ZNF583: variants seen among roughly 807,000 people sequenced by gnomAD.
ZNF583 encodes zinc finger protein L3-5.
ZNF583 carries 30 observed loss-of-function variants against 55.3 expected under a neutral mutation model. The observed-to-expected ratio is 0.54, with a 90% CI of 0.41 to 0.74. The LOEUF (loss-of-function observed/expected upper bound fraction) is 0.74, where lower values mean the gene tolerates loss of function less well. Ranked by LOEUF, ZNF583 falls within the 30% of genes least tolerant of loss-of-function variation. ZNF583 has a pLI of 0.00. For synonymous variants in ZNF583, 208 were observed against 220.0 expected, an observed-to-expected ratio of 0.95 and a Z score of 0.48; for missense variants, 504 against 664.7, an observed-to-expected ratio of 0.76 and a Z score of 2.66.
Position 56,419,002 on chromosome 19 carries a change from A to AT in ZNF583, c.233-3881dup, listed in dbSNP as rs376997205. ...CTACATCTGTTGAAATGATCATGTGATTTTTTTTCTCTTTAACCTTTTAAT... is the reference window on the plus strand; with the variant it reads ...CTACATCTGTTGAAATGATCATGTGATTTTTTTTTCTCTTTAACCTTTTAAT... On this transcript the variant is annotated intron_variant, in intron 4 of 4. Coordinates refer to ENST00000333201, the MANE Select transcript of ZNF583 (RefSeq NM_152478.3). Among the ~76,000 whole-genome samples, 5 of 151,844 alleles carry AT rather than the reference A, an allele frequency of 3.3e-5. 1 individual carries two copies. Among genetic ancestry groups the AT allele is most frequent in the Admixed American group, 6.6e-5 (1 of 15,242 alleles).
intron 2 of ZNF583, among the ~76,000 whole-genome samples, chr19:56,413,198 G>A (rs2042264771): frequency 6.6e-6 from 1 of 152,180 alleles, no homozygotes; most frequent in African/African-American, 2.4e-5. Context: ...AATATGAAAT[G>A]TAAAAAATAC....
intron 2 of ZNF583, among the ~76,000 whole-genome samples, chr19:56,410,437 C>T (rs1328432686): frequency 2.0e-5 from 3 of 152,216 alleles, no homozygotes; most frequent in African/African-American, 2.4e-5. Flanking sequence ...TGGTGGCTCA[C>T]GCCTGTAATC....
rs116308383 is a variant in ZNF583 at position 56,410,926 on chromosome 19, G to T, written c.10-3033G>T. ...AAATTATAATTGCTTTTAGGAGGTA[G>T]GGTGACATGGGAGTAGGCATGGGGG... On this transcript the variant is annotated intron_variant, in intron 2 of 4. Coordinates refer to ENST00000333201, the MANE Select transcript of ZNF583 (RefSeq NM_152478.3). 4.6e-3 allele frequency among the ~76,000 whole-genome samples: 697 copies of T among 152,102 alleles called. 5 individuals are homozygous for T. Among genetic ancestry groups the T allele is most frequent in the African/African-American group, 0.016 (667 of 41,474 alleles).
At position 56,423,185 on chromosome 19, in the gene ZNF583, G is replaced by C. The variant is rs143763777; in HGVS notation, c.527G>C (p.Ser176Thr). 15 of 1,612,920 alleles carry C rather than the reference G, an allele frequency of 9.3e-6. No homozygotes were observed. The highest frequency in any genetic ancestry group is 3.3e-4 in the Middle Eastern group (2 of 6,084). Residue 176 changes from serine to threonine, a missense_variant, in exon 5 of 5, where the codon AGT (serine) becomes ACT (threonine). Around this residue, in one of 3 missense-constraint regions of ZNF583, gnomAD observed 204 missense variants for 235.2 expected, o/e 0.87. Transcript: ENST00000333201. The stretch of plus-strand genomic sequence containing the variant: ...GATACAATCTTTGATATACAACAGA[G>C]TTTTCCCACCAAAGAAAAAGCACAT... ...HQDTIFDIQQSFPTKEKAHKH... is the reference protein window; with the variant it reads ...HQDTIFDIQQTFPTKEKAHKH...
In ZNF583 at chr19:56,424,336, C is replaced by T; in HGVS notation, c.1678C>T (p.Gln560Ter). The part of the protein sequence containing the change: ...LSSPSPSTSN[Q>*]LPRPVGFIS ...CTCTCCCTCACCCTCCACATCAAATCAGTTGCCAAGACCTGTAGGTTTCAT... is the reference window on the plus strand; with the variant it reads ...CTCTCCCTCACCCTCCACATCAAATTAGTTGCCAAGACCTGTAGGTTTCAT... Residue 560 changes from glutamine to a stop codon, truncating the protein, a stop_gained, in exon 5 of 5, where the codon CAG becomes TAG. Coordinates refer to ENST00000333201, the MANE Select transcript of ZNF583 (RefSeq NM_152478.3). LOFTEE classifies it high-confidence loss of function. 1 of 1,565,570 alleles carries T rather than the reference C, an allele frequency of 6.4e-7. No individual in the cohort carries two copies. Among genetic ancestry groups the T allele is most frequent in the Non-Finnish European group, 8.8e-7 (1 of 1,136,872 alleles).
intron 2 of ZNF583, among the ~76,000 whole-genome samples, chr19:56,410,347 G>A (rs1011280619): frequency 1.3e-5 from 2 of 152,098 alleles, no homozygotes; most frequent in African/African-American, 4.8e-5. Context: ...AGAGAATGAC[G>A]TCTGTGAATC....
At chr19:56,421,166 C>G (rs1371093520) in intron 4 of ZNF583, among the ~76,000 whole-genome samples, 1 of 152,148 alleles carries the variant, frequency 6.6e-6, no homozygotes, top group Non-Finnish European at 1.5e-5. Context: ...ATCAAAAACT[C>G]TGTGTGTGGG....
chr19:56,416,927 AC>A (rs1410783081), intron 4 of ZNF583, among the ~76,000 whole-genome samples: 3 of 152,156 alleles, frequency 2.0e-5, no homozygotes, highest in Admixed American at 6.5e-5. Context: ...CCAGTTCCAA[AC>A]AAACATGAAT....
rs113822081 is a variant in ZNF583 at position 56,415,382 on chromosome 19, A to T, written c.232+942A>T. ...AGAGTTCCAAGCAAAGAAATGCAAC[A>T]TGCAACTGGTTTAGAAGATGGGGGC... On this transcript the variant is annotated intron_variant, in intron 4 of 4. Coordinates refer to ENST00000333201, the MANE Select transcript of ZNF583 (RefSeq NM_152478.3). Among the ~76,000 whole-genome samples, 1,097 of 152,244 alleles carry T rather than the reference A, an allele frequency of 7.2e-3. 7 individuals are homozygous for T. Among genetic ancestry groups the T allele is most frequent in the Non-Finnish European group, 0.011 (756 of 68,024 alleles).
In ZNF583 at chr19:56,423,974, T is replaced by C. The variant is rs747906328; in HGVS notation, c.1316T>C (p.Ile439Thr). 40 of 1,613,718 alleles carry C rather than the reference T, an allele frequency of 2.5e-5. No individual in the cohort carries two copies. The highest frequency in any genetic ancestry group is 4.5e-5 in the East Asian group (2 of 44,872). ...ACTGGAGAGAAACCCTATGAATGTATTGAATGTGGGAAGGCCTTTAGCAAT... is the reference window on the plus strand; with the variant it reads ...ACTGGAGAGAAACCCTATGAATGTACTGAATGTGGGAAGGCCTTTAGCAAT... ...VHTGEKPYECIECGKAFSNSS... is the reference protein window; with the variant it reads ...VHTGEKPYECTECGKAFSNSS... Residue 439 changes from isoleucine to threonine, a missense_variant, in exon 5 of 5, where the codon ATT becomes ACT. Ile to Thr is a moderately conservative substitution (Grantham distance 89). Transcript: ENST00000333201.
In ZNF583 at chr19:56,407,007, G is replaced by C. The variant is rs548886573; in HGVS notation, c.-89-19G>C. 7.4e-7 allele frequency: 1 copy of C among 1,348,528 alleles called. No homozygotes were observed. The highest frequency in any genetic ancestry group is 2.3e-5 in the East Asian group (1 of 42,704). The allele number at this position is 1,348,528 out of a possible 1,614,324, so 83.5% of individuals were successfully genotyped here. ...TGCAGGGCAGGCCTGGCATTTTATGGTTTCTTTTCCTTCTCCAGCTCGACT... is the reference window on the plus strand; with the variant it reads ...TGCAGGGCAGGCCTGGCATTTTATGCTTTCTTTTCCTTCTCCAGCTCGACT... On this transcript the variant is annotated intron_variant, in intron 1 of 4. Transcript: ENST00000333201.
chr19:56,420,860 A>C (rs2042403233), intron 4 of ZNF583, among the ~76,000 whole-genome samples: 1 of 152,196 alleles, frequency 6.6e-6, no homozygotes. Context: ...CTTTTAACTG[A>C]ATAAGGAGTT....
chr19:56,408,135 T>C lies in ZNF583; in HGVS notation c.9+1012T>C, dbSNP rs74383968. Among the ~76,000 whole-genome samples the C allele has an allele frequency of 3.2e-3, 481 of 152,334 alleles. 15 individuals carry two copies. In the East Asian group the frequency reaches 0.054, roughly 17 times the overall value. ...TTATTTTAAATCAGTGGGAAAGGGATGGATTATTCATCTAGTAAAAAAAAT... is the reference window on the plus strand; with the variant it reads ...TTATTTTAAATCAGTGGGAAAGGGACGGATTATTCATCTAGTAAAAAAAAT... On this transcript the variant is annotated intron_variant, in intron 2 of 4. Transcript: ENST00000333201.
At position 56,414,068 on chromosome 19, in the gene ZNF583, G is replaced by C. The variant is rs779079937; in HGVS notation, c.119G>C (p.Arg40Thr). 32 of 1,600,506 alleles carry C rather than the reference G, an allele frequency of 2.0e-5. No individual in the cohort carries two copies. Among genetic ancestry groups the C allele is most frequent in the South Asian group, 7.9e-5 (7 of 88,384 alleles). Residue 40 changes from arginine (R) to threonine (T), a missense_variant, in exon 3 of 5, where the codon AGG (arginine) becomes ACG (threonine). This residue lies in a region of ZNF583 where 204 missense variants were observed against 235.2 expected (regional missense o/e 0.87). Coordinates refer to ENST00000333201, the MANE Select transcript of ZNF583 (RefSeq NM_152478.3). ...LYRKVMLENY[R>T]SLVSLGVSVS... Reference sequence around the variant, plus strand: ...AGGAAAGTGATGTTGGAGAACTACAGGAGCTTGGTATCATTGGGTAAGGAC... The same window carrying C: ...AGGAAAGTGATGTTGGAGAACTACACGAGCTTGGTATCATTGGGTAAGGAC...
intron 2 of ZNF583, among the ~76,000 whole-genome samples, chr19:56,412,279 T>C (rs1167131382): frequency 1.3e-5 from 2 of 152,218 alleles, no homozygotes; most frequent in African/African-American, 4.8e-5. Context: ...AAAACCAAGA[T>C]GCATATGCCT....
upstream of ZNF583, chr19:56,404,260 C>G (rs1347276661): frequency 6.5e-6 from 1 of 152,744 alleles, no homozygotes; most frequent in African/African-American, 2.4e-5. The surrounding 1 kb of genome is among the most constrained non-coding windows in gnomAD (Gnocchi z 5.2). Flanking sequence ...GGGCCCTCGG[C>G]CAACATCCCA....
chr19:56,415,577 A>AAT (rs1430610609), intron 4 of ZNF583, among the ~76,000 whole-genome samples: 4 of 151,960 alleles, frequency 2.6e-5, no homozygotes, highest in South Asian at 4.2e-4. Flanking sequence ...GTCTTTGGTT[A>AAT]ATATATATAT....
At chr19:56,416,160 T>A (rs1020738240) in intron 4 of ZNF583, among the ~76,000 whole-genome samples, 1 of 151,746 alleles carries the variant, frequency 6.6e-6, no homozygotes, top group Non-Finnish European at 1.5e-5. Flanking sequence ...ACCCTGCCTC[T>A]ACTAAAAATA....
At chr19:56,416,752 G>A (rs12973407) in intron 4 of ZNF583, among the ~76,000 whole-genome samples, 84,654 of 150,896 alleles carry the variant, frequency 0.56, 24,104 homozygotes, top group East Asian at 0.88. Context: ...ATCAGACAGT[G>A]TGAAGGAATT....
Sources: gnomAD v4.1 joint callset for allele counts (sites outside exome capture counted in the v4.1 genomes callset) on GRCh38, gnomAD v4.1.1 for gene constraint, gnomAD v4.1.1 regional missense constraint, Gnocchi (gnomAD v3.1) non-coding constraint, MANE v1.5 for transcripts, NCBI Gene and HGNC (gene_info 2026-07-23, HGNC 2026-07-21) for gene names.